The following RAD51 variants were observed in gnomAD, a reference collection of about 807,000 sequenced individuals.
The protein encoded by RAD51 is DNA repair protein RAD51 homolog 1.
A neutral mutation model predicts 41.5 loss-of-function variants in RAD51; 14 were observed. The ratio of observed to expected loss-of-function variants is 0.34; its 90% CI spans 0.22 to 0.53. The LOEUF (loss-of-function observed/expected upper bound fraction) is 0.53, where lower values mean the gene tolerates loss of function less well. Ranked by LOEUF, RAD51 falls within the 20% of genes least tolerant of loss-of-function variation. RAD51 has a pLI of 0.95. For synonymous variants in RAD51, 136 were observed against 148.6 expected, an observed-to-expected ratio of 0.92 and a Z score of 0.62; for missense variants, 234 against 422.0, an observed-to-expected ratio of 0.55 and a Z score of 3.90.
chr15:40,718,377 G>C (rs45541832), intron 5 of RAD51, among the ~76,000 whole-genome samples: 2,183 of 152,154 alleles, frequency 0.014, 55 homozygotes, highest in African/African-American at 0.05. Context: ...AATTAGCTGG[G>C]CGTGGTGGCA....
chr15:40,698,178 A>T (rs925055833), intron 1 of RAD51, among the ~76,000 whole-genome samples: 1 of 146,576 alleles, frequency 6.8e-6, no homozygotes, highest in Non-Finnish European at 1.5e-5. Context: ...CTTGTATGAG[A>T]TGAACTTTTT....
At chr15:40,728,446 C>T (rs905097893) in intron 6 of RAD51, among the ~76,000 whole-genome samples, 2 of 144,590 alleles carry the variant, frequency 1.4e-5, no homozygotes, top group Non-Finnish European at 3.1e-5. Context: ...AGCAAGACTC[C>T]GTCTCAAAGA....
At chr15:40,715,417 T>G (rs1360879233) in intron 5 of RAD51, among the ~76,000 whole-genome samples, 1 of 151,930 alleles carries the variant, frequency 6.6e-6, no homozygotes, top group African/African-American at 2.4e-5. Flanking sequence ...TGACAGAAAA[T>G]TTGTCTTACA....
chr15:40,707,692 G>A (rs761218855), intron 4 of RAD51, among the ~76,000 whole-genome samples: 1 of 151,944 alleles, frequency 6.6e-6, no homozygotes, highest in Admixed American at 6.6e-5. Flanking sequence ...TAGAAATTTC[G>A]TATGTTTTTT....
In RAD51 at chr15:40,729,983, T is replaced by C. The variant is rs1357126941; in HGVS notation, c.896+9T>C. 1 of 1,613,866 alleles carries C rather than the reference T, an allele frequency of 6.2e-7. No individual in the cohort carries two copies. The highest frequency in any genetic ancestry group is 8.5e-7 in the Non-Finnish European group (1 of 1,179,860). ...CATGCATCAACAACCAGGTAAGGTG[T>C]TGATGGGATCAGTTCTTCTTTTCGG... On this transcript the variant is annotated intron_variant, in intron 9 of 9. Coordinates refer to ENST00000267868, the MANE Select transcript of RAD51 (RefSeq NM_002875.5).
At chr15:40,720,979 C>T (rs553085093) in intron 6 of RAD51, among the ~76,000 whole-genome samples, 40 of 152,284 alleles carry the variant, frequency 2.6e-4, no homozygotes, top group African/African-American at 8.7e-4. Context: ...GTCAGGAGTT[C>T]GAGACCAGTC....
intron 5 of RAD51, 120 bp from the exon 6 acceptor site, chr15:40,718,685 G>A (rs1896111974): frequency 1.2e-6 from 1 of 868,502 alleles, no homozygotes; most frequent in Non-Finnish European, 1.9e-6. Flanking sequence ...TCCTACCACT[G>A]TCATTTTTAA....
intron 6 of RAD51, among the ~76,000 whole-genome samples, chr15:40,728,032 G>A (rs1166325158): frequency 5.9e-5 from 9 of 151,866 alleles, no homozygotes; most frequent in Admixed American, 1.3e-4. Flanking sequence ...GCTAATTTTT[G>A]TATTTTTAGT....
chr15:40,721,731 C>CCTTA (rs1223441829), intron 6 of RAD51, among the ~76,000 whole-genome samples: 1 of 152,010 alleles, frequency 6.6e-6, no homozygotes, highest in Non-Finnish European at 1.5e-5. Context: ...AACTTTAGAC[C>CCTTA]CTTACTATAT....
chr15:40,731,196 C>G lies in RAD51; in HGVS notation c.*18C>G. 1.9e-6 allele frequency: 3 copies of G among 1,613,864 alleles called. No homozygotes were observed. Among genetic ancestry groups the G allele is most frequent in the Non-Finnish European group, 2.5e-6 (3 of 1,179,866 alleles). On this transcript the variant is annotated 3_prime_UTR_variant, in exon 10 of 10. Transcript: ENST00000267868. The stretch of plus-strand genomic sequence containing the variant: ...AAGACTGAATCATTGGGTTTTTCCT[C>G]TGTTAAAAACCTTAAGTGCTGCAGC...
intron 5 of RAD51, among the ~76,000 whole-genome samples, chr15:40,714,607 C>G (rs1429555193): frequency 6.6e-6 from 1 of 151,976 alleles, no homozygotes; most frequent in Admixed American, 6.6e-5. Flanking sequence ...CTATATAGAT[C>G]GTTGACTTTT....
intron 5 of RAD51, among the ~76,000 whole-genome samples, chr15:40,713,852 C>T (rs1321771571): frequency 2.6e-5 from 4 of 152,004 alleles, no homozygotes; most frequent in Admixed American, 2.0e-4. Flanking sequence ...GTGATCCGCC[C>T]ACCTTGGTCT....
chr15:40,710,938 G>T (rs1032599097), intron 5 of RAD51, among the ~76,000 whole-genome samples: 1 of 152,066 alleles, frequency 6.6e-6, no homozygotes, highest in Non-Finnish European at 1.5e-5. Flanking sequence ...CCTCCATTAG[G>T]AAAAAACCTT....
In RAD51 at chr15:40,698,765, A is replaced by ATGC. The variant is rs1360014899; in HGVS notation, c.8_10dup (p.Met3_Gln4insLeu). On this transcript the variant is annotated inframe_insertion, in exon 2 of 10. Coordinates refer to ENST00000267868, the MANE Select transcript of RAD51 (RefSeq NM_002875.5). ...GCATTTGTATTTTTCAGTAATGGCA[A>ATGC]TGCAGATGCAGCTTGAAGCAAATGC... 1.9e-6 allele frequency: 3 copies of ATGC among 1,613,898 alleles called. No individual in the cohort carries two copies. The African/African-American group carries it at 4.0e-5, about 22-fold the overall frequency.
At chr15:40,712,880 T>C (rs1895777670) in intron 5 of RAD51, among the ~76,000 whole-genome samples, 1 of 140,006 alleles carries the variant, frequency 7.1e-6, no homozygotes, top group Non-Finnish European at 1.5e-5. Flanking sequence ...TTCTTTTCTT[T>C]TTTTTTTTTT....
chr15:40,698,097 C>A (rs1894760814), intron 1 of RAD51, among the ~76,000 whole-genome samples: 1 of 152,110 alleles, frequency 6.6e-6, no homozygotes, highest in South Asian at 2.1e-4. Flanking sequence ...TGACCAACCT[C>A]TCTCCTTCCT....
intron 1 of RAD51, 110 bp from the exon 2 acceptor site, chr15:40,698,647 C>T (rs1894802367): frequency 1.0e-6 from 1 of 993,218 alleles, no homozygotes; most frequent in Non-Finnish European, 1.6e-6. Context: ...AAGAGAATGG[C>T]CTTGGCTTTT....
chr15:40,705,937 T>C (rs1832752748), intron 3 of RAD51, among the ~76,000 whole-genome samples: 1 of 152,202 alleles, frequency 6.6e-6, no homozygotes, highest in Non-Finnish European at 1.5e-5. Context: ...ACTATATTAA[T>C]ATATTAACTT....
At chr15:40,717,869 T>C (rs1896064398) in intron 5 of RAD51, among the ~76,000 whole-genome samples, 1 of 152,204 alleles carries the variant, frequency 6.6e-6, no homozygotes. Flanking sequence ...TGATTAAAGC[T>C]AAGGTAAATG....
Sources: allele counts gnomAD v4.1 joint callset (sites outside exome capture counted in the v4.1 genomes callset), GRCh38; gene constraint gnomAD v4.1.1; transcripts MANE v1.5; gene names NCBI Gene and HGNC (gene_info 2026-07-23, HGNC 2026-07-21).